Variants in ZNF571 observed in about 807,000 individuals in gnomAD.
The protein encoded by ZNF571 is zinc finger protein 571.
A neutral mutation model predicts 7.7 loss-of-function variants in ZNF571; 4 were observed. The observed-to-expected ratio is 0.52, with a 90% CI of 0.25 to 1.18. ZNF571 has a LOEUF of 1.18. Ranked by LOEUF, ZNF571 falls within the 50% of genes most tolerant of loss-of-function variation. ZNF571 has a pLI of 0.14. For synonymous variants in ZNF571, 251 were observed against 232.4 expected, an observed-to-expected ratio of 1.08 and a Z score of -0.73; for missense variants, 704 against 726.9, an observed-to-expected ratio of 0.97 and a Z score of 0.36.
intron 1 of ZNF571, among the ~76,000 whole-genome samples, chr19:37,589,274 G>T (rs2043794641): frequency 6.6e-6 from 1 of 150,840 alleles, no homozygotes; most frequent in Non-Finnish European, 1.5e-5. Context: ...CTTCAGAGGG[G>T]AAAATTCTGT....
intron 3 of ZNF571, chr19:37,583,341 C>T (rs2147196091): frequency 6.6e-6 from 1 of 152,262 alleles, no homozygotes; most frequent in African/African-American, 2.4e-5. Flanking sequence ...AAGCATTGTC[C>T]CCAAAAGAGA....
chr19:37,588,595 T>C (rs1225958218), intron 1 of ZNF571, among the ~76,000 whole-genome samples: 10 of 152,186 alleles, frequency 6.6e-5, no homozygotes, highest in Admixed American at 5.2e-4. Flanking sequence ...CAAACCTACC[T>C]ACCTATCAGG....
At chr19:37,579,392 G>A (rs2043365140) in intron 3 of ZNF571, among the ~76,000 whole-genome samples, 2 of 152,316 alleles carry the variant, frequency 1.3e-5, no homozygotes, top group South Asian at 4.1e-4. Flanking sequence ...GCTGACACCA[G>A]CACAACACCC....
Position 37,586,679 on chromosome 19 carries a change from T to G in ZNF571, c.-3A>C, listed in dbSNP as rs2043685510. 6.2e-7 allele frequency: 1 copy of G among 1,614,002 alleles called. No individual in the cohort carries two copies. Among genetic ancestry groups the G allele is most frequent in the Non-Finnish European group, 8.5e-7 (1 of 1,179,960 alleles). ...AAACAGCAACTCACGTGGGGCATGG[T>G]TTTTTAGAACTGATCAATTTTCTGG... On this transcript the variant is annotated 5_prime_UTR_variant, in exon 2 of 4. Transcript: ENST00000451802.
intron 1 of ZNF571, among the ~76,000 whole-genome samples, chr19:37,589,480 C>T (rs987069273): frequency 4.8e-5 from 7 of 145,858 alleles, no homozygotes; most frequent in Non-Finnish European, 1.1e-4. Flanking sequence ...GGACAACAGA[C>T]AATTCATAAA....
chr19:37,567,281 T>C (rs1324964840), intron 3 of ZNF571, among the ~76,000 whole-genome samples: 2 of 152,240 alleles, frequency 1.3e-5, no homozygotes, highest in South Asian at 2.1e-4. Context: ...CTAACATCAT[T>C]ACTTACACAT....
At position 37,569,200 on chromosome 19, in the gene ZNF571, G is replaced by T. The variant is rs1466109260; in HGVS notation, c.137-2909C>A. 6.6e-6 allele frequency among the ~76,000 whole-genome samples: 1 copy of T among 151,970 alleles called. No individual in the cohort carries two copies. The highest frequency in any genetic ancestry group is 2.4e-5 in the African/African-American group (1 of 41,352). ...ATTCCTGGCCTCAAGTGATCCACCT[G>T]CCCCGGACTCCCACAGCACTAGGAT... On this transcript the variant is annotated intron_variant, in intron 3 of 3. Coordinates refer to ENST00000451802, the MANE Select transcript of ZNF571 (RefSeq NM_016536.5). This position sits in a 1 kb window ranked among gnomAD's most constrained non-coding sequence, Gnocchi z 4.4.
intron 3 of ZNF571, among the ~76,000 whole-genome samples, chr19:37,577,548 G>A (rs1285092280): frequency 1.3e-5 from 2 of 152,156 alleles, no homozygotes; most frequent in Non-Finnish European, 2.9e-5. Flanking sequence ...TACCTTTTAT[G>A]TAATGAATTA....
At chr19:37,592,907 G>A (rs1457524436) in intron 1 of ZNF571, among the ~76,000 whole-genome samples, 1 of 152,162 alleles carries the variant, frequency 6.6e-6, no homozygotes, top group Non-Finnish European at 1.5e-5. Context: ...CAAAACACAG[G>A]AGGGAAACTA....
At chr19:37,577,891 G>GCCACAGAC (rs1486179882) in intron 3 of ZNF571, among the ~76,000 whole-genome samples, 1 of 152,172 alleles carries the variant, frequency 6.6e-6, no homozygotes, top group African/African-American at 2.4e-5. Flanking sequence ...CCAACCCGGA[G>GCCACAGAC]CCACAGACCG....
Position 37,569,475 on chromosome 19 carries a change from C to T in ZNF571, c.137-3184G>A, listed in dbSNP as rs2042982514. Among the ~76,000 whole-genome samples, 1 of 152,106 alleles carries T rather than the reference C, an allele frequency of 6.6e-6. No individual in the cohort carries two copies. Among genetic ancestry groups the T allele is most frequent in the African/African-American group, 2.4e-5 (1 of 41,386 alleles). On this transcript the variant is annotated intron_variant, in intron 3 of 3. Coordinates refer to ENST00000451802, the MANE Select transcript of ZNF571 (RefSeq NM_016536.5). The surrounding 1 kb of genome is among the most constrained non-coding windows in gnomAD (Gnocchi z 4.4). ...GACTAAAATTTCATAGTAAGAAATA[C>T]ATATTATGACTGAGTACACACACTC...
chr19:37,581,907 G>A lies in ZNF571; in HGVS notation c.136+2064C>T, dbSNP rs1370816969. The stretch of plus-strand genomic sequence containing the variant: ...TTCTCAAGAGGTATGCATGCTTCCT[G>A]TCTATACCTTTTGCTTTTCTTTCTC... On this transcript the variant is annotated intron_variant, in intron 3 of 3. Transcript: ENST00000451802. Among the ~76,000 whole-genome samples the A allele has an allele frequency of 4.0e-5, 6 of 151,838 alleles. No homozygotes were observed. The East Asian group carries it at 1.2e-3, about 29-fold the overall frequency.
chr19:37,564,852 C>T lies in ZNF571; in HGVS notation c.1576G>A (p.Gly526Ser), dbSNP rs781247424. Residue 526 changes from glycine to serine, a missense_variant, in exon 4 of 4, where the codon GGT becomes AGT. Transcript: ENST00000451802. ...QLSEHQRIHR[G>S]EKPYECKQCG... ...TGTTTACATTCATAAGGTTTTTCAC[C>T]TCTGTGAATTCTCTGATGTTCACTA... The T allele has an allele frequency of 3.6e-5, 58 of 1,613,856 alleles. No homozygotes were observed. Among genetic ancestry groups the T allele is most frequent in the Non-Finnish European group, 4.7e-5 (55 of 1,179,930 alleles).
chr19:37,565,745 C>T lies in ZNF571; in HGVS notation c.683G>A (p.Cys228Tyr), dbSNP rs1172557548. The T allele has an allele frequency of 1.2e-6, 2 of 1,613,890 alleles. No homozygotes were observed. The highest frequency in any genetic ancestry group is 2.2e-5 in the East Asian group (1 of 44,852). The change falls in exon 4 of 4, where the codon TGT becomes TAT. Residue 228 changes from cysteine (C) to tyrosine (Y), a missense_variant. Coordinates refer to ENST00000451802, the MANE Select transcript of ZNF571 (RefSeq NM_016536.5). ...TGAACCACGAATAAAAGCTTTCCCA[C>T]ATGCGTTACACTGATAAGGTTTTTC... is the stretch of plus-strand genomic sequence containing the variant. The part of the protein sequence containing the change: ...TNEKPYQCNA[C>Y]GKAFIRGSQL...
chr19:37,588,650 G>A lies in ZNF571; in HGVS notation c.-69-1905C>T, dbSNP rs142508028. ...GTGACTGGATCATACCCCAAACCTCGGCATCACACAATATGCCATATAACA... is the reference window on the plus strand; with the variant it reads ...GTGACTGGATCATACCCCAAACCTCAGCATCACACAATATGCCATATAACA... On this transcript the variant is annotated intron_variant, in intron 1 of 3. Transcript: ENST00000451802. Among the ~76,000 whole-genome samples the A allele has an allele frequency of 1.6e-3, 243 of 152,082 alleles. 2 individuals carry two copies. The highest frequency in any genetic ancestry group is 5.6e-3 in the African/African-American group (234 of 41,454).
Position 37,593,752 on chromosome 19 carries a change from T to C in ZNF571, c.-70+989A>G, listed in dbSNP as rs1252296524. Among the ~76,000 whole-genome samples the C allele has an allele frequency of 2.0e-5, 3 of 151,798 alleles. No individual in the cohort carries two copies. The East Asian group carries it at 5.8e-4, about 29-fold the overall frequency. On this transcript the variant is annotated intron_variant, in intron 1 of 3. Coordinates refer to ENST00000451802, the MANE Select transcript of ZNF571 (RefSeq NM_016536.5). ...AATCTTAGACCAGAAAGGACTGCTG[T>C]ATCATTGGGTGGAAAGGAGAGGTGT...
At chr19:37,574,555 A>G (rs2043179793) in intron 3 of ZNF571, among the ~76,000 whole-genome samples, 1 of 152,224 alleles carries the variant, frequency 6.6e-6, no homozygotes, top group Admixed American at 6.5e-5. Flanking sequence ...AACTAATAAC[A>G]TAAAATCTTA....
At chr19:37,592,941 G>C (rs186416507) in intron 1 of ZNF571, among the ~76,000 whole-genome samples, 2 of 152,276 alleles carry the variant, frequency 1.3e-5, no homozygotes, top group African/African-American at 4.8e-5. Context: ...AAGTTTAACA[G>C]GTTTGGCCAC....
At chr19:37,572,001 A>G (rs2043072044) in intron 3 of ZNF571, among the ~76,000 whole-genome samples, 1 of 150,558 alleles carries the variant, frequency 6.6e-6, no homozygotes, top group Non-Finnish European at 1.5e-5. Flanking sequence ...TTATCCAAAT[A>G]GACTATATGG....
Sources: allele counts gnomAD v4.1 joint callset (sites outside exome capture counted in the v4.1 genomes callset), GRCh38; gene constraint gnomAD v4.1.1; non-coding constraint Gnocchi (gnomAD v3.1); transcripts MANE v1.5; gene names NCBI Gene and HGNC (gene_info 2026-07-23, HGNC 2026-07-21).